The following NBEA variants were observed in gnomAD, a reference collection of about 807,000 sequenced individuals.
NBEA encodes lysosomal-trafficking regulator 2.
NBEA carries 44 observed loss-of-function variants against 343.4 expected under a neutral mutation model. That is an observed-to-expected ratio of 0.13 (90% CI 0.10 to 0.16). NBEA has a LOEUF of 0.16. Among genes scored for constraint, NBEA ranks in the 10% least tolerant of loss-of-function variants. The pLI, the probability that NBEA is intolerant of heterozygous loss-of-function variation, is 1.00. For missense variants in NBEA, 2,555 were observed against 3,631.3 expected (o/e 0.70, Z 7.62); for synonymous variants, 1,175 against 1,238.7 (o/e 0.95, Z 1.08).
intron 40 of NBEA, among the ~76,000 whole-genome samples, chr13:35,461,983 A>G (rs764487557): frequency 1.8e-4 from 27 of 152,206 alleles, no homozygotes; most frequent in Non-Finnish European, 3.7e-4. Context: ...TCAGTCCAAT[A>G]AAAACAAGTC....
At chr13:35,122,658 A>G (rs1263062745) in intron 16 of NBEA, among the ~76,000 whole-genome samples, 5 of 152,088 alleles carry the variant, frequency 3.3e-5, no homozygotes, top group Non-Finnish European at 7.4e-5. Context: ...AACATGGCAC[A>G]TGTATACATA....
At position 35,110,975 on chromosome 13, in the gene NBEA, T is replaced by G. The variant is rs1167902229; in HGVS notation, c.1999T>G (p.Leu667Val). 2.5e-6 allele frequency: 4 copies of G among 1,603,622 alleles called. No individual in the cohort carries two copies. The highest frequency in any genetic ancestry group is 2.2e-5 in the East Asian group (1 of 44,602). Residue 667 changes from leucine to valine, a missense_variant, in exon 13 of 59, where the codon TTA becomes GTA. By Grantham distance (32) the Leu-to-Val change is conservative. This residue lies in a region of NBEA where 360 missense variants were observed against 519.1 expected (regional missense o/e 0.69). Transcript: ENST00000379939. ...CAGTAGTGGCATTACACCTAAAGGA[T>G]TAGGTATGTATACCACTTCCACTGT... ...ADSSGITPKG[L>V]DGPRPSQKEI...
chr13:35,296,247 G>A (rs990616258), intron 35 of NBEA, among the ~76,000 whole-genome samples: 14 of 152,076 alleles, frequency 9.2e-5, no homozygotes, highest in African/African-American at 2.9e-4. Flanking sequence ...TGGGCATGGT[G>A]GTGGGCACCT....
chr13:35,503,643 T>C (rs565633125), intron 41 of NBEA, among the ~76,000 whole-genome samples: 1 of 152,078 alleles, frequency 6.6e-6, no homozygotes, highest in Non-Finnish European at 1.5e-5. Flanking sequence ...ATTGCTGGTA[T>C]TGAGAATTCA....
rs74054533 is a variant in NBEA, at chr13:35,392,662, A to G, written c.6180-39607A>G. On this transcript the variant is annotated intron_variant, in intron 38 of 58. Transcript: ENST00000379939. Reference sequence around the variant, plus strand: ...AGAAAAACTATGATTTGCAAAACATACTCAATCCCAAGGGTTGTGCATAAG... The same window carrying G: ...AGAAAAACTATGATTTGCAAAACATGCTCAATCCCAAGGGTTGTGCATAAG... Among the ~76,000 whole-genome samples the G allele has an allele frequency of 4.3e-3, 653 of 152,286 alleles. 4 individuals carry two copies. Among genetic ancestry groups the G allele is most frequent in the African/African-American group, 0.015 (632 of 41,580 alleles).
chr13:35,607,075 T>C (rs1331237366), intron 48 of NBEA, among the ~76,000 whole-genome samples: 4 of 152,162 alleles, frequency 2.6e-5, no homozygotes, highest in Admixed American at 6.5e-5. Flanking sequence ...TTACAGACAG[T>C]GTTTCACTCT....
intron 36 of NBEA, among the ~76,000 whole-genome samples, chr13:35,344,959 A>G (rs1240331522): frequency 6.6e-6 from 1 of 152,116 alleles, no homozygotes; most frequent in African/African-American, 2.4e-5. Flanking sequence ...TCCCTTATGA[A>G]TATAGATCTG....
chr13:35,650,145 T>C (rs987764476), intron 52 of NBEA, among the ~76,000 whole-genome samples: 1 of 152,150 alleles, frequency 6.6e-6, no homozygotes, highest in Non-Finnish European at 1.5e-5. Context: ...ATTGCCTAAC[T>C]GCAAAAAAAT....
rs555532970 is a variant in NBEA at position 35,467,861 on chromosome 13, A to G, written c.6449-4539A>G. Among the ~76,000 whole-genome samples the G allele has an allele frequency of 6.6e-5, 10 of 152,340 alleles. No homozygotes were observed. In the East Asian group the frequency reaches 1.7e-3, roughly 26 times the overall value. ...CAATATTAAACTAAGGTTAGGAAAT[A>G]TTCAAGTGATTCTAAAATACATTAT... On this transcript the variant is annotated intron_variant, in intron 40 of 58. Coordinates refer to ENST00000379939, the MANE Select transcript of NBEA (RefSeq NM_001385012.1).
At chr13:35,501,831 G>A (rs2076899185) in intron 41 of NBEA, among the ~76,000 whole-genome samples, 1 of 152,096 alleles carries the variant, frequency 6.6e-6, no homozygotes, top group Admixed American at 6.6e-5. Context: ...CCTCCAATAT[G>A]ACGGGGGCGG....
intron 18 of NBEA, among the ~76,000 whole-genome samples, chr13:35,143,903 CAAAA>C (rs78818842): frequency 7.7e-6 from 1 of 129,476 alleles, no homozygotes; most frequent in Non-Finnish European, 1.6e-5. Context: ...AAAAAAAAAA[CAAAA>C]AAAAAAACAA....
At chr13:35,569,504 G>A (rs2153027827) in intron 45 of NBEA, among the ~76,000 whole-genome samples, 1 of 152,278 alleles carries the variant, frequency 6.6e-6, no homozygotes, top group Middle Eastern at 3.4e-3. Flanking sequence ...CAACTGGGAT[G>A]TTGTGTTTAA....
At chr13:35,438,652 A>T (rs2045571529) in intron 39 of NBEA, among the ~76,000 whole-genome samples, 1 of 152,224 alleles carries the variant, frequency 6.6e-6, no homozygotes, top group East Asian at 1.9e-4. Flanking sequence ...TAATCTGGTT[A>T]TGGTTTAAAT....
intron 38 of NBEA, among the ~76,000 whole-genome samples, chr13:35,398,352 A>G (rs1402686089): frequency 6.6e-6 from 1 of 152,188 alleles, no homozygotes; most frequent in African/African-American, 2.4e-5. Flanking sequence ...CCTTCCATGA[A>G]TCACAAATGT....
At chr13:35,105,850 A>ACT (rs2065895656) in intron 11 of NBEA, among the ~76,000 whole-genome samples, 1 of 151,960 alleles carries the variant, frequency 6.6e-6, no homozygotes, top group African/African-American at 2.4e-5. Context: ...TTGAATATAT[A>ACT]CTCATACACA....
intron 34 of NBEA, chr13:35,251,118 A>G (rs2031906377): frequency 4.8e-6 from 1 of 208,164 alleles, no homozygotes; most frequent in Non-Finnish European, 1.0e-5. Flanking sequence ...GCCTTCTATA[A>G]TGTGGATGCT....
At chr13:35,628,477 T>C (rs2083319599) in intron 49 of NBEA, among the ~76,000 whole-genome samples, 1 of 152,258 alleles carries the variant, frequency 6.6e-6, no homozygotes, top group African/African-American at 2.4e-5. Flanking sequence ...TATATCTGTA[T>C]ATTTGTTTTT....
chr13:35,179,881 T>C (rs1238454586), intron 28 of NBEA: 1 of 708,760 alleles, frequency 1.4e-6, no homozygotes, highest in African/African-American at 1.9e-5. Flanking sequence ...CTTCTCTCTG[T>C]GTTTATTGTA....
intron 1 of NBEA, among the ~76,000 whole-genome samples, chr13:35,035,074 G>T (rs548169936): frequency 2.0e-5 from 3 of 151,508 alleles, no homozygotes; most frequent in Non-Finnish European, 4.4e-5. Flanking sequence ...TGGATTTGGT[G>T]TGCTCTTGAT....
Sources: allele counts gnomAD v4.1 joint callset (sites outside exome capture counted in the v4.1 genomes callset), GRCh38; gene constraint gnomAD v4.1.1; regional missense constraint gnomAD v4.1.1; transcripts MANE v1.5; gene names NCBI Gene and HGNC (gene_info 2026-07-23, HGNC 2026-07-21).